The following AIG1 variants were observed in gnomAD, a reference collection of about 807,000 sequenced individuals.
The protein encoded by AIG1 is androgen induced 1, also known as androgen-induced gene 1 protein.
AIG1 carries 23 observed loss-of-function variants against 31.4 expected under a neutral mutation model. That is an observed-to-expected ratio of 0.73 (90% CI 0.53 to 1.04). AIG1 has a LOEUF of 1.04. AIG1 is among the 50% of genes least tolerant of loss of function. The probability of loss-of-function intolerance (pLI) is 0.00; values close to 1 mark genes in which losing one functional copy is unlikely to be tolerated. For synonymous variants in AIG1, 100 were observed against 110.5 expected (o/e 0.90, Z 0.60); for missense variants, 274 against 295.0 (o/e 0.93, Z 0.52).
chr6:143,275,130 A>C (rs963901329), intron 3 of AIG1, among the ~76,000 whole-genome samples: 1 of 152,182 alleles, frequency 6.6e-6, no homozygotes, highest in African/African-American at 2.4e-5. Context: ...TGTGGAGCTT[A>C]TTAAAGTAAA....
In AIG1 at chr6:143,226,953, T is replaced by G. The variant is rs572586077; in HGVS notation, c.400-57157T>G. 6.6e-5 allele frequency among the ~76,000 whole-genome samples: 10 copies of G among 151,966 alleles called. No individual in the cohort carries two copies. The East Asian group carries it at 1.7e-3, about 27-fold the overall frequency. On this transcript the variant is annotated intron_variant, in intron 3 of 5. Transcript: ENST00000357847. ...GCTTTGAATGCTACCCAACACAAAT[T>G]TATAAACTTTCTTAAAACATTGAGT...
chr6:143,165,062 A>G lies in AIG1; in HGVS notation c.298-20A>G, dbSNP rs773049628. The G allele has an allele frequency of 1.9e-5, 29 of 1,552,052 alleles. No homozygotes were observed. Among genetic ancestry groups the G allele is most frequent in the Non-Finnish European group, 2.5e-5 (28 of 1,125,598 alleles). On this transcript the variant is annotated intron_variant, in intron 2 of 5. Coordinates refer to ENST00000357847, the MANE Select transcript of AIG1 (RefSeq NM_016108.4). ...GGATAGTCGATGAACTTGAAATAAA[A>G]GATTTCTTTTTCCTTCCAGTTTGTT... is the stretch of plus-strand genomic sequence containing the variant.
rs1377134196 is a variant in AIG1, at chr6:143,291,834, G to T, written c.515+7609G>T. Reference sequence around the variant, plus strand: ...GGGTGAGGGAAGGAGAGCATTAGAGGCCACTGGAAAGACTGTCCTTAATTC... The same window carrying T: ...GGGTGAGGGAAGGAGAGCATTAGAGTCCACTGGAAAGACTGTCCTTAATTC... On this transcript the variant is annotated intron_variant, in intron 4 of 5. Transcript: ENST00000357847. This position sits in a 1 kb window ranked among gnomAD's most constrained non-coding sequence, Gnocchi z 4.2. Among the ~76,000 whole-genome samples the T allele has an allele frequency of 6.6e-6, 1 of 152,196 alleles. No homozygotes were observed. Among genetic ancestry groups the T allele is most frequent in the Admixed American group, 6.5e-5 (1 of 15,288 alleles).
intron 3 of AIG1, among the ~76,000 whole-genome samples, chr6:143,257,041 C>G (rs1795419040): frequency 6.6e-6 from 1 of 152,230 alleles, no homozygotes; most frequent in South Asian, 2.1e-4. Context: ...GTCACAGAAT[C>G]TACACATTTA....
intron 1 of AIG1, among the ~76,000 whole-genome samples, chr6:143,089,008 C>T (rs1157904838): frequency 1.3e-5 from 2 of 151,890 alleles, no homozygotes; most frequent in South Asian, 2.1e-4. Context: ...GTCAGGAGTT[C>T]GAAACTAGCC....
intron 2 of AIG1, among the ~76,000 whole-genome samples, chr6:143,160,034 A>T (rs1786191278): frequency 6.6e-6 from 1 of 152,222 alleles, no homozygotes; most frequent in South Asian, 2.1e-4. Flanking sequence ...GAGTCTGAGT[A>T]CTGACTTATC....
intron 4 of AIG1, among the ~76,000 whole-genome samples, chr6:143,306,886 G>T (rs1331092520): frequency 6.6e-6 from 1 of 152,148 alleles, no homozygotes; most frequent in East Asian, 1.9e-4. Flanking sequence ...ATTTCTTGGA[G>T]GCTTTGTTCA....
intron 3 of AIG1, among the ~76,000 whole-genome samples, chr6:143,260,008 CTTGTGCTTCTT>C (rs1323619488): frequency 3.5e-5 from 5 of 141,248 alleles, no homozygotes; most frequent in Admixed American, 2.9e-4. Flanking sequence ...TCTTGTGCTT[CTTGTGCTTCTT>C]TTTTTTTTTT....
At chr6:143,185,181 C>T (rs909754318) in intron 3 of AIG1, among the ~76,000 whole-genome samples, 27 of 136,422 alleles carry the variant, frequency 2.0e-4, no homozygotes, top group Non-Finnish European at 2.9e-4. Context: ...GGCGACAGAG[C>T]GAGACTCCAT....
At chr6:143,165,273 C>T (rs1786814746) in intron 3 of AIG1, 90 bp downstream of exon 3, 6 of 1,004,534 alleles carry the variant, frequency 6.0e-6, no homozygotes, top group Non-Finnish European at 9.1e-6. Flanking sequence ...ATAGAATTTG[C>T]CTAAAAAGCC....
chr6:143,114,013 A>T (rs866171046), intron 1 of AIG1, among the ~76,000 whole-genome samples: 5 of 152,178 alleles, frequency 3.3e-5, no homozygotes, highest in Middle Eastern at 6.8e-3. Context: ...TGACCTCGTG[A>T]TCCGCCTGCC....
chr6:143,114,920 G>A (rs1032100525), intron 1 of AIG1, among the ~76,000 whole-genome samples: 2 of 152,224 alleles, frequency 1.3e-5, no homozygotes, highest in Non-Finnish European at 2.9e-5. Context: ...GATGAGAGGG[G>A]TGACTAAAGT....
downstream of AIG1, chr6:143,342,102 T>G: frequency 2.4e-6 from 1 of 420,328 alleles, no homozygotes; most frequent in South Asian, 3.1e-5. Context: ...ATTTTGTACT[T>G]TTCGTAGAGA....
chr6:143,201,224 T>C (rs1459879914), intron 3 of AIG1, among the ~76,000 whole-genome samples: 1 of 152,076 alleles, frequency 6.6e-6, no homozygotes, highest in African/African-American at 2.4e-5. Context: ...CTGAGTACAG[T>C]GGCTTGTGCC....
chr6:143,306,466 AT>A (rs1399191928), intron 4 of AIG1, among the ~76,000 whole-genome samples: 1 of 151,944 alleles, frequency 6.6e-6, no homozygotes, highest in Non-Finnish European at 1.5e-5. Flanking sequence ...AAAGGATTTT[AT>A]TTTGCCTTCA....
intron 3 of AIG1, among the ~76,000 whole-genome samples, chr6:143,199,177 A>G (rs1357699059): frequency 6.6e-6 from 1 of 152,174 alleles, no homozygotes; most frequent in African/African-American, 2.4e-5. Flanking sequence ...AATGATTGCA[A>G]TGAATTGAGA....
rs1484224240 is a variant in AIG1 at position 143,284,833 on chromosome 6, T to C, written c.515+608T>C. ...GCCAAATTTATCTGATAAAAGAATT[T>C]TTGCCTGGCGAGTCTACTTCACATT... On this transcript the variant is annotated intron_variant, in intron 4 of 5. Transcript: ENST00000357847. This position sits in a 1 kb window ranked among gnomAD's most constrained non-coding sequence, Gnocchi z 4.4. Among the ~76,000 whole-genome samples, 1 of 152,176 alleles carries C rather than the reference T, an allele frequency of 6.6e-6. No homozygotes were observed. Among genetic ancestry groups the C allele is most frequent in the East Asian group, 1.9e-4 (1 of 5,196 alleles).
At chr6:143,232,987 C>CGGA (rs1251632359) in intron 3 of AIG1, among the ~76,000 whole-genome samples, 1 of 152,166 alleles carries the variant, frequency 6.6e-6, no homozygotes, top group Admixed American at 6.5e-5. Context: ...TGCTAGTCCC[C>CGGA]CTGAGCCAAA....
At chr6:143,080,262 G>A (rs1778108941) in intron 1 of AIG1, among the ~76,000 whole-genome samples, 1 of 152,194 alleles carries the variant, frequency 6.6e-6, no homozygotes, top group Non-Finnish European at 1.5e-5. Context: ...TGCCTTCAAT[G>A]TCATCAACAT....
Sources: gnomAD v4.1 joint callset for allele counts (sites outside exome capture counted in the v4.1 genomes callset) on GRCh38, gnomAD v4.1.1 for gene constraint, Gnocchi (gnomAD v3.1) non-coding constraint, MANE v1.5 for transcripts, NCBI Gene and HGNC (gene_info 2026-07-23, HGNC 2026-07-21) for gene names.